The following PPP1R1C variants were observed in gnomAD, a reference collection of about 807,000 sequenced individuals.
PPP1R1C encodes protein phosphatase 1 regulatory inhibitor subunit 1C.
In PPP1R1C, 15 loss-of-function variants were observed where a neutral mutation model predicts 17.4. The ratio of observed to expected loss-of-function variants is 0.86; its 90% CI spans 0.58 to 1.33. PPP1R1C has a LOEUF of 1.33. PPP1R1C is among the 40% of genes most tolerant of loss of function. The probability of loss-of-function intolerance (pLI) is 0.00; values close to 1 mark genes in which losing one functional copy is unlikely to be tolerated. For synonymous variants in PPP1R1C, 35 were observed against 43.1 expected (o/e 0.81, Z 0.73); for missense variants, 143 against 130.0 (o/e 1.10, Z -0.48).
At chr2:181,974,610 C>T (rs1306626952) in intron 1 of PPP1R1C, among the ~76,000 whole-genome samples, 2 of 152,056 alleles carry the variant, frequency 1.3e-5, no homozygotes, top group Non-Finnish European at 2.9e-5. Context: ...TACAGTGGAC[C>T]CTTCCTGGAA....
chr2:182,115,814 C>T (rs974887812), intron 4 of PPP1R1C, among the ~76,000 whole-genome samples: 2 of 152,084 alleles, frequency 1.3e-5, no homozygotes, highest in East Asian at 1.9e-4. Context: ...TGCTGACAGC[C>T]GTACATGCAA....
intron 2 of PPP1R1C, among the ~76,000 whole-genome samples, chr2:182,051,218 A>G (rs1213384588): frequency 6.6e-6 from 1 of 152,172 alleles, no homozygotes; most frequent in Non-Finnish European, 1.5e-5. Context: ...TTTTGTGCAA[A>G]ATATGTTCTT....
chr2:182,117,292 T>C lies in PPP1R1C; in HGVS notation c.327T>C (p.His109=). ...ATGAAAGAGAGGAGCAGCGGGACCA[T>C]TAATTACTGGTCTGCAGCAAGAAGG... The part of the protein sequence containing the change: ...GTNEREEQRD[H] Residue 109 remains histidine, a synonymous_variant, in exon 5 of 5, where the codon CAT becomes CAC. Coordinates refer to ENST00000682840, the MANE Select transcript of PPP1R1C (RefSeq NM_001080545.3). 1 of 1,550,250 alleles carries C rather than the reference T, an allele frequency of 6.5e-7. No homozygotes were observed. The highest frequency in any genetic ancestry group is 8.7e-7 in the Non-Finnish European group (1 of 1,144,936).
At chr2:182,096,009 A>T (rs1688923078) in intron 4 of PPP1R1C, among the ~76,000 whole-genome samples, 1 of 151,456 alleles carries the variant, frequency 6.6e-6, no homozygotes, top group Non-Finnish European at 1.5e-5. Flanking sequence ...AAAAAAAAAA[A>T]GGTAGTACCT....
intron 1 of PPP1R1C, among the ~76,000 whole-genome samples, chr2:181,972,458 T>A (rs376557284): frequency 6.6e-6 from 1 of 152,204 alleles, no homozygotes; most frequent in African/African-American, 2.4e-5. Context: ...TATTCATCCA[T>A]TATATAAATT....
chr2:181,996,722 G>A (rs1209987026), intron 2 of PPP1R1C, among the ~76,000 whole-genome samples: 1 of 151,852 alleles, frequency 6.6e-6, no homozygotes, highest in Non-Finnish European at 1.5e-5. Flanking sequence ...TCATTCTCTG[G>A]GAGCAATTTT....
rs1165789924 is a variant in PPP1R1C at position 182,076,197 on chromosome 2, C to CTTTTTTTTTTTTT, written c.241+12435_241+12447dup. ...GATTTTGAACTTTTTTTTTTCTTTT[C>CTTTTTTTTTTTTT]TTTTTTTTTTTTTTTTTTTTTTTTT... is the stretch of plus-strand genomic sequence containing the variant. On this transcript the variant is annotated intron_variant, in intron 4 of 4. Transcript: ENST00000682840. Among the ~76,000 whole-genome samples, 80 of 25,860 alleles carry CTTTTTTTTTTTTT rather than the reference C, an allele frequency of 3.1e-3. 19 individuals are homozygous for CTTTTTTTTTTTTT. The highest frequency in any genetic ancestry group is 3.4e-3 in the African/African-American group (16 of 4,684). The allele number at this position is 25,860 out of a possible 152,430, so 17.0% of individuals were successfully genotyped here.
intron 4 of PPP1R1C, among the ~76,000 whole-genome samples, chr2:182,111,226 GTAAAAATA>G (rs1457482600): frequency 6.6e-6 from 1 of 152,026 alleles, no homozygotes; most frequent in East Asian, 1.9e-4. Context: ...TAAAATATAG[GTAAAAATA>G]TACAAAACAT....
At chr2:182,043,801 G>A (rs562723413) in intron 2 of PPP1R1C, among the ~76,000 whole-genome samples, 6 of 151,954 alleles carry the variant, frequency 3.9e-5, no homozygotes, top group Admixed American at 6.6e-5. Context: ...GTCCTCCACC[G>A]TCTTCCTGGG....
At chr2:181,958,148 G>A (rs11681092) in intron 1 of PPP1R1C, among the ~76,000 whole-genome samples, 130 of 152,290 alleles carry the variant, frequency 8.5e-4, no homozygotes, top group Non-Finnish European at 1.3e-3. Flanking sequence ...AAAATCAGCA[G>A]GGGGGCTTAA....
rs1380902618 is a variant in PPP1R1C at position 181,986,076 on chromosome 2, G to A, written c.-35G>A. 4 of 1,552,618 alleles carry A rather than the reference G, an allele frequency of 2.6e-6. No homozygotes were observed. The highest frequency in any genetic ancestry group is 3.6e-6 in the Non-Finnish European group (4 of 1,124,048). On this transcript the variant is annotated 5_prime_UTR_variant, in exon 1 of 5. Transcript: ENST00000682840. ...CACCACTTAGGGTTAGTCTTTCTGAGCTCTTCACATCTCTGACTAATTATC... is the reference window on the plus strand; with the variant it reads ...CACCACTTAGGGTTAGTCTTTCTGAACTCTTCACATCTCTGACTAATTATC...
At chr2:181,995,054 G>A (rs1685575265) in intron 2 of PPP1R1C, among the ~76,000 whole-genome samples, 1 of 152,134 alleles carries the variant, frequency 6.6e-6, no homozygotes, top group South Asian at 2.1e-4. Flanking sequence ...TACTCTTCTA[G>A]GGGATAAAAC....
rs1162620372 is a variant in PPP1R1C at position 181,962,815 on chromosome 2, A to C, written n.111+8181A>C. ...GATAAAGGAAAGCGGAGCCTGAGCT[A>C]ACCAGGGACCTTCACATCCACATGA... On this transcript the variant is annotated intron_variant and non_coding_transcript_variant, in intron 1 of 5. Coordinates refer to the PPP1R1C transcript ENST00000464264. The surrounding 1 kb of genome is among the most constrained non-coding windows in gnomAD (Gnocchi z 6.0). Among the ~76,000 whole-genome samples the C allele has an allele frequency of 6.6e-6, 1 of 152,164 alleles. No individual in the cohort carries two copies. Among genetic ancestry groups the C allele is most frequent in the Non-Finnish European group, 1.5e-5 (1 of 68,018 alleles).
At chr2:182,041,338 G>A (rs1019844165) in intron 2 of PPP1R1C, among the ~76,000 whole-genome samples, 4 of 152,154 alleles carry the variant, frequency 2.6e-5, no homozygotes, top group Admixed American at 1.3e-4. Context: ...GCCTGGCGTG[G>A]TAGCTCACGC....
At chr2:182,072,241 T>G (rs1411669462) in intron 4 of PPP1R1C, among the ~76,000 whole-genome samples, 1 of 152,198 alleles carries the variant, frequency 6.6e-6, no homozygotes, top group Non-Finnish European at 1.5e-5. Flanking sequence ...TGCTCTCCTT[T>G]GTTTTATGCC....
Position 182,125,828 on chromosome 2 carries a change from TAATCTTTTCAAAGAA to T in PPP1R1C, c.*7-3129_*7-3115del, listed in dbSNP as rs1689860081. ...CTGGCTAGCAGTCTATCTATTTTGT[TAATCTTTTCAAAGAA>T]AATCTTTTCAAAGAAACAGCTCCTG... On this transcript the variant is annotated intron_variant, in intron 5 of 5. Coordinates refer to the PPP1R1C transcript ENST00000280295. 2.6e-5 allele frequency among the ~76,000 whole-genome samples: 4 copies of T among 152,262 alleles called. No homozygotes were observed. The South Asian group carries it at 8.3e-4, about 32-fold the overall frequency.
At chr2:182,098,633 GA>G (rs527628081) in intron 4 of PPP1R1C, among the ~76,000 whole-genome samples, 86 of 151,554 alleles carry the variant, frequency 5.7e-4, no homozygotes, top group Non-Finnish European at 4.7e-4. Flanking sequence ...ATATTTTCTA[GA>G]AAAAAAATCA....
chr2:182,087,426 T>C (rs1178237601), intron 4 of PPP1R1C, among the ~76,000 whole-genome samples: 2 of 152,328 alleles, frequency 1.3e-5, no homozygotes, highest in Non-Finnish European at 2.9e-5. Flanking sequence ...GTTCCTCTAC[T>C]CTATATTTTC....
At chr2:182,080,782 T>A (rs917037065) in intron 4 of PPP1R1C, among the ~76,000 whole-genome samples, 2 of 152,190 alleles carry the variant, frequency 1.3e-5, no homozygotes, top group African/African-American at 4.8e-5. Flanking sequence ...AAAGCCATTT[T>A]AATATGCATT....
Sources: allele counts gnomAD v4.1 joint callset (sites outside exome capture counted in the v4.1 genomes callset), GRCh38; gene constraint gnomAD v4.1.1; non-coding constraint Gnocchi (gnomAD v3.1); transcripts MANE v1.5; gene names NCBI Gene and HGNC (gene_info 2026-07-23, HGNC 2026-07-21).